The following CCDC3 variants were observed in gnomAD, a reference collection of about 807,000 sequenced individuals.
CCDC3 encodes coiled-coil domain-containing protein 3.
In CCDC3, 24 loss-of-function variants were observed where a neutral mutation model predicts 21.4. That is an observed-to-expected ratio of 1.12 (90% CI 0.81 to 1.58). CCDC3 has a LOEUF of 1.58. Ranked by LOEUF, CCDC3 falls within the 40% of genes most tolerant of loss-of-function variation. The pLI is 0.00. For missense variants in CCDC3, 425 were observed against 360.9 expected (o/e 1.18, Z -1.44); for synonymous variants, 186 against 166.0 (o/e 1.12, Z -0.93).
chr10:12,981,886 A>T (rs184148762), intron 2 of CCDC3, among the ~76,000 whole-genome samples: 2 of 152,104 alleles, frequency 1.3e-5, no homozygotes, highest in Admixed American at 1.3e-4. Flanking sequence ...GCACTTTGGG[A>T]GGCTGAGACA....
intron 3 of CCDC3, among the ~76,000 whole-genome samples, chr10:13,081,713 T>C (rs908750571): frequency 2.6e-5 from 4 of 152,224 alleles, no homozygotes; most frequent in Non-Finnish European, 5.9e-5. Flanking sequence ...AAAGTCTCTA[T>C]AGTAAAAGTA....
chr10:12,923,818 GCTAT>G (rs2131219342), intron 2 of CCDC3, among the ~76,000 whole-genome samples: 1 of 152,288 alleles, frequency 6.6e-6, no homozygotes, highest in South Asian at 2.1e-4. Context: ...AGTCAATAGT[GCTAT>G]TCTGAGCATA....
chr10:13,008,601 T>C (rs192635246), intron 5 of CCDC3, among the ~76,000 whole-genome samples: 3 of 152,320 alleles, frequency 2.0e-5, no homozygotes, highest in African/African-American at 7.2e-5. Context: ...AAAACTACAA[T>C]GGATCCTGTG....
At chr10:13,036,748 G>C (rs1276762189) in intron 5 of CCDC3, among the ~76,000 whole-genome samples, 1 of 152,030 alleles carries the variant, frequency 6.6e-6, no homozygotes, top group African/African-American at 2.4e-5. Flanking sequence ...GCCTCCCAAA[G>C]TGCTAGGATT....
intron 2 of CCDC3, among the ~76,000 whole-genome samples, chr10:12,977,509 A>G (rs1025773163): frequency 2.6e-5 from 4 of 152,202 alleles, no homozygotes; most frequent in Admixed American, 2.6e-4. Flanking sequence ...TAACAACTGT[A>G]GCATCTAAAG....
intron 2 of CCDC3, among the ~76,000 whole-genome samples, chr10:12,969,771 TAA>T (rs956266356): frequency 6.8e-6 from 1 of 146,572 alleles, no homozygotes. Flanking sequence ...TATTCATTCT[TAA>T]AAAAAAAAGA....
At chr10:13,041,668 G>A (rs897098290) in intron 5 of CCDC3, among the ~76,000 whole-genome samples, 1 of 151,710 alleles carries the variant, frequency 6.6e-6, no homozygotes, top group Admixed American at 6.6e-5. Context: ...GGGACTACAG[G>A]GGCATGCCAC....
intron 2 of CCDC3, among the ~76,000 whole-genome samples, chr10:12,918,846 G>C (rs1036074350): frequency 6.6e-6 from 1 of 152,132 alleles, no homozygotes; most frequent in African/African-American, 2.4e-5. Context: ...GAGGTCAGGA[G>C]ATCAAGACCA....
intron 3 of CCDC3, among the ~76,000 whole-genome samples, chr10:13,077,214 AACAG>A (rs2131444492): frequency 6.6e-6 from 1 of 152,302 alleles, no homozygotes; most frequent in South Asian, 2.1e-4. Context: ...AAACACCAAT[AACAG>A]ACAAACAGAG....
chr10:13,010,401 A>G (rs1835970589), intron 5 of CCDC3, among the ~76,000 whole-genome samples: 1 of 152,226 alleles, frequency 6.6e-6, no homozygotes, highest in Non-Finnish European at 1.5e-5. Flanking sequence ...TCACTAGGGA[A>G]ACTCAAAACC....
At chr10:13,041,079 T>C (rs754372955) in intron 5 of CCDC3, among the ~76,000 whole-genome samples, 8 of 152,108 alleles carry the variant, frequency 5.3e-5, no homozygotes, top group Non-Finnish European at 1.2e-4. Flanking sequence ...ATTTTTCCAA[T>C]ATGTACGTCT....
chr10:12,906,528 A>G (rs1363011748), intron 2 of CCDC3, among the ~76,000 whole-genome samples: 1 of 152,058 alleles, frequency 6.6e-6, no homozygotes, highest in Non-Finnish European at 1.5e-5. Flanking sequence ...CAGTGTGGGT[A>G]GGAAGGGGTT....
chr10:13,011,840 A>G lies in CCDC3; in HGVS notation c.-1-13328T>C, dbSNP rs113810207. Reference sequence around the variant, plus strand: ...AATCAAAACAGCATGGTAGTGGCACAAAAACAGACAAATACACCAATGGAA... The same window carrying G: ...AATCAAAACAGCATGGTAGTGGCACGAAAACAGACAAATACACCAATGGAA... On this transcript the variant is annotated intron_variant, in intron 5 of 6. Coordinates refer to the CCDC3 transcript ENST00000378839. Among the ~76,000 whole-genome samples the G allele has an allele frequency of 6.9e-3, 1,055 of 152,320 alleles. 14 individuals carry two copies. The highest frequency in any genetic ancestry group is 0.024 in the African/African-American group (984 of 41,580).
At chr10:13,038,905 G>A (rs1836413515) in intron 5 of CCDC3, among the ~76,000 whole-genome samples, 1 of 152,176 alleles carries the variant, frequency 6.6e-6, no homozygotes. Flanking sequence ...ACCTGCTCAA[G>A]GTGGTTCCTT....
chr10:12,944,993 AGC>A (rs1013260330), intron 2 of CCDC3, among the ~76,000 whole-genome samples: 16 of 152,316 alleles, frequency 1.1e-4, no homozygotes, highest in African/African-American at 3.8e-4. Flanking sequence ...TCTCAGGCCT[AGC>A]CAAAAATTCT....
intron 4 of CCDC3, among the ~76,000 whole-genome samples, chr10:13,052,981 CACACATACACACACA>C (rs1836631456): frequency 1.3e-5 from 1 of 75,494 alleles, no homozygotes; most frequent in Non-Finnish European, 3.0e-5. Flanking sequence ...CACACACACA[CACACATACACACACA>C]CACCTAGAAG....
chr10:12,940,348 T>C (rs1834808990), intron 2 of CCDC3, among the ~76,000 whole-genome samples: 4 of 151,974 alleles, frequency 2.6e-5, no homozygotes, highest in South Asian at 4.2e-4. Context: ...AAGTATATTA[T>C]TGGTGCACAA....
In CCDC3 at chr10:12,968,414, A is replaced by T. The variant is rs1349335054; in HGVS notation, c.549+29924T>A. 2.6e-5 allele frequency among the ~76,000 whole-genome samples: 4 copies of T among 152,240 alleles called. No individual in the cohort carries two copies. The East Asian group carries it at 5.8e-4, about 22-fold the overall frequency. ...GCAAGGCTGTACTTCAGAAATGGAG[A>T]GAAAGACTTTTCCCAACAAACAAAA... is the stretch of plus-strand genomic sequence containing the variant. On this transcript the variant is annotated intron_variant, in intron 2 of 2. Coordinates refer to ENST00000378825, the MANE Select transcript of CCDC3 (RefSeq NM_031455.4).
intron 2 of CCDC3, among the ~76,000 whole-genome samples, chr10:12,948,195 C>G (rs1022254226): frequency 8.5e-5 from 13 of 152,168 alleles, no homozygotes; most frequent in African/African-American, 3.1e-4. Context: ...CACTCTCTTG[C>G]CTGCCACCAC....
Sources: gnomAD v4.1 joint callset for allele counts (sites outside exome capture counted in the v4.1 genomes callset) on GRCh38, gnomAD v4.1.1 for gene constraint, MANE v1.5 for transcripts, NCBI Gene and HGNC (gene_info 2026-07-23, HGNC 2026-07-21) for gene names.